The following LPP variants were observed in gnomAD, a reference collection of about 807,000 sequenced individuals.
LPP encodes the protein LIM domain containing preferred translocation partner in lipoma, also known as lipoma-preferred partner.
LPP carries 38 observed loss-of-function variants against 60.4 expected under a neutral mutation model. That is an observed-to-expected ratio of 0.63 (90% confidence interval 0.49 to 0.83). LPP has a LOEUF of 0.83. LPP is among the 40% of genes least tolerant of loss of function. LPP has a pLI of 0.00. For synonymous variants in LPP, 328 were observed against 290.8 expected (o/e 1.13, Z -1.30); for missense variants, 902 against 783.6 (o/e 1.15, Z -1.80).
chr3:188,621,139 CA>C (rs56228100), intron 7 of LPP, among the ~76,000 whole-genome samples: 74 of 142,834 alleles, frequency 5.2e-4, no homozygotes, highest in African/African-American at 6.2e-4. Flanking sequence ...AATTTTATTC[CA>C]AAAAAAAAAA....
At chr3:188,282,725 G>T (rs751254652) in intron 2 of LPP, among the ~76,000 whole-genome samples, 2 of 152,156 alleles carry the variant, frequency 1.3e-5, no homozygotes, top group Non-Finnish European at 2.9e-5. Context: ...CTGCCAGGCA[G>T]CATCCTTCAT....
At chr3:188,289,045 T>G (rs1453242493) in intron 2 of LPP, among the ~76,000 whole-genome samples, 2 of 152,110 alleles carry the variant, frequency 1.3e-5, no homozygotes, top group African/African-American at 4.8e-5. Context: ...TTTTAGTGGG[T>G]TTTAGGCTTC....
chr3:188,430,019 C>A (rs1001584837), intron 4 of LPP, among the ~76,000 whole-genome samples: 1 of 152,092 alleles, frequency 6.6e-6, no homozygotes, highest in African/African-American at 2.4e-5. Context: ...TAGAAAAGAA[C>A]ACAGCATCTC....
chr3:188,559,944 C>G (rs1329495811), intron 6 of LPP, among the ~76,000 whole-genome samples: 1 of 152,062 alleles, frequency 6.6e-6, no homozygotes, highest in African/African-American at 2.4e-5. Flanking sequence ...TGTCTGTGGG[C>G]TGGCACTTGG....
At chr3:188,747,742 C>T (rs1051340328) in intron 8 of LPP, among the ~76,000 whole-genome samples, 5 of 152,220 alleles carry the variant, frequency 3.3e-5, no homozygotes, top group African/African-American at 1.2e-4. Context: ...GTATTAATAA[C>T]TGTTCCCTAG....
chr3:188,421,454 C>T (rs990405221), intron 4 of LPP, among the ~76,000 whole-genome samples: 3 of 152,164 alleles, frequency 2.0e-5, no homozygotes, highest in African/African-American at 7.2e-5. Context: ...TCAACTGGAG[C>T]CTGCCACTGT....
intron 4 of LPP, among the ~76,000 whole-genome samples, chr3:188,475,683 A>G (rs528016097): frequency 3.3e-5 from 5 of 152,088 alleles, no homozygotes; most frequent in African/African-American, 1.2e-4. Flanking sequence ...CGGGCGGATC[A>G]CGAGGTGAGG....
chr3:188,622,907 A>G (rs1481201224), intron 7 of LPP, among the ~76,000 whole-genome samples: 2 of 151,940 alleles, frequency 1.3e-5, no homozygotes, highest in Non-Finnish European at 2.9e-5. Flanking sequence ...GCATGCCTGT[A>G]ATTCCAGCTA....
rs777127864 is a variant in LPP, at chr3:188,760,435, T to TGTGTGTGTGTGTGC, written c.1410+154_1410+155insTGTGTGTGTGTGCG. Among the ~76,000 whole-genome samples the TGTGTGTGTGTGTGC allele has an allele frequency of 2.6e-3, 387 of 151,178 alleles. 2 individuals are homozygous for TGTGTGTGTGTGTGC. The highest frequency in any genetic ancestry group is 2.8e-3 in the African/African-American group (115 of 40,938). ...GTGTGTGTGTGTGTGTGTGTGTGTG[T>TGTGTGTGTGTGTGC]GCGTGCGCGCATGTAAATTAGCATA... is the stretch of plus-strand genomic sequence containing the variant. On this transcript the variant is annotated intron_variant, in intron 9 of 11. Coordinates refer to ENST00000617246, the MANE Select transcript of LPP (RefSeq NM_001375462.1).
chr3:188,208,188 G>T (rs1223228408), intron 1 of LPP: 1 of 152,200 alleles, frequency 6.6e-6, no homozygotes, highest in Admixed American at 6.5e-5. Flanking sequence ...GAGATGACTT[G>T]GCTCTTTTCA....
intron 3 of LPP, among the ~76,000 whole-genome samples, chr3:188,359,631 G>A (rs1451240129): frequency 6.6e-6 from 1 of 152,140 alleles, no homozygotes; most frequent in African/African-American, 2.4e-5. Context: ...CAACTACCCA[G>A]TGGAGTCAGG....
chr3:188,636,371 C>G (rs933609483), intron 7 of LPP, among the ~76,000 whole-genome samples: 1 of 152,150 alleles, frequency 6.6e-6, no homozygotes, highest in East Asian at 1.9e-4. Flanking sequence ...CGGTGCACCA[C>G]GAGATTATAT....
At chr3:188,857,540 T>A (rs2151914034) in intron 9 of LPP, among the ~76,000 whole-genome samples, 1 of 152,338 alleles carries the variant, frequency 6.6e-6, no homozygotes, top group East Asian at 1.9e-4. Context: ...CTTTAAGGAT[T>A]GTACCAAATC....
chr3:188,874,194 G>A (rs1319549510), intron 11 of LPP, among the ~76,000 whole-genome samples, 157 bp from the exon 12 acceptor site: 1 of 152,128 alleles, frequency 6.6e-6, no homozygotes, highest in Non-Finnish European at 1.5e-5. Context: ...TTATATATTG[G>A]GAGAAAGGAT....
At chr3:188,582,162 T>C (rs1199734263) in intron 6 of LPP, among the ~76,000 whole-genome samples, 9 of 93,074 alleles carry the variant, frequency 9.7e-5, no homozygotes, top group African/African-American at 1.6e-4. Context: ...TTCTTTTTTT[T>C]TTTTTTTTTT....
At chr3:188,707,690 G>A (rs888058599) in intron 7 of LPP, among the ~76,000 whole-genome samples, 10 of 152,236 alleles carry the variant, frequency 6.6e-5, no homozygotes, top group South Asian at 2.1e-4. Flanking sequence ...ATGTGGTCCC[G>A]AAGTACACAA....
chr3:188,234,041 C>T (rs1721029303), intron 2 of LPP, among the ~76,000 whole-genome samples: 1 of 152,106 alleles, frequency 6.6e-6, no homozygotes, highest in African/African-American at 2.4e-5. Context: ...CCTTCTGTAG[C>T]CTGCTCAAAT....
At chr3:188,762,293 T>A (rs1732632292) in intron 9 of LPP, among the ~76,000 whole-genome samples, 1 of 152,170 alleles carries the variant, frequency 6.6e-6, no homozygotes, top group Admixed American at 6.5e-5. Context: ...ATGGCAGTTA[T>A]TTTCCATGAA....
intron 1 of LPP, among the ~76,000 whole-genome samples, chr3:188,158,347 G>T (rs1404446389): frequency 2.0e-5 from 3 of 152,160 alleles, no homozygotes; most frequent in African/African-American, 7.2e-5. Flanking sequence ...GTGAAAATCT[G>T]TTGGCTTGAG....
Sources: gnomAD v4.1 joint callset for allele counts (sites outside exome capture counted in the v4.1 genomes callset) on GRCh38, gnomAD v4.1.1 for gene constraint, MANE v1.5 for transcripts, NCBI Gene and HGNC (gene_info 2026-07-23, HGNC 2026-07-21) for gene names.